The following TAFA1 variants were observed in gnomAD, a reference collection of about 807,000 sequenced individuals.
TAFA1 encodes TAFA chemokine like family member 1, also known as chemokine-like protein TAFA-1.
Under a neutral mutation model 18.5 loss-of-function variants are expected in TAFA1, and 4 were observed. That is an observed-to-expected ratio of 0.22 (90% CI 0.11 to 0.49). The LOEUF is 0.49. TAFA1 is among the 20% of genes least tolerant of loss of function. The pLI is 0.98. For synonymous variants in TAFA1, 56 were observed against 55.2 expected, an observed-to-expected ratio of 1.01 and a Z score of -0.06; for missense variants, 147 against 169.0, an observed-to-expected ratio of 0.87 and a Z score of 0.72.
intron 2 of TAFA1, among the ~76,000 whole-genome samples, chr3:68,286,712 G>C (rs1300989351): frequency 6.6e-6 from 1 of 152,288 alleles, no homozygotes; most frequent in South Asian, 2.1e-4. Flanking sequence ...ACATCTTCCC[G>C]AGGCTGTCCC....
At chr3:68,309,311 C>A (rs912197499) in intron 2 of TAFA1, among the ~76,000 whole-genome samples, 1 of 151,986 alleles carries the variant, frequency 6.6e-6, no homozygotes, top group Admixed American at 6.6e-5. Context: ...TTATAATATG[C>A]CCAAAGATAT....
rs74913160 is a variant in TAFA1, at chr3:68,125,439, C to T, written c.118+118695C>T. On this transcript the variant is annotated intron_variant, in intron 2 of 4. Transcript: ENST00000478136. ...CTAACATTTAAAACTCTTCAAAAAG[C>T]GAAAGTGAATCTCACCACCAAATCT... Among the ~76,000 whole-genome samples the T allele has an allele frequency of 1.9e-3, 292 of 152,270 alleles. 2 individuals carry two copies. Among genetic ancestry groups the T allele is most frequent in the African/African-American group, 4.9e-3 (202 of 41,558 alleles).
At chr3:68,427,134 T>C (rs1054772649) in intron 3 of TAFA1, among the ~76,000 whole-genome samples, 1 of 151,850 alleles carries the variant, frequency 6.6e-6, no homozygotes, top group Non-Finnish European at 1.5e-5. Context: ...TGTTTACACA[T>C]AACCTCAAAT....
chr3:68,229,767 A>G (rs2066847529), intron 2 of TAFA1, among the ~76,000 whole-genome samples: 1 of 152,154 alleles, frequency 6.6e-6, no homozygotes, highest in South Asian at 2.1e-4. Context: ...TTGATGTCAG[A>G]CCTGTTTCGG....
At chr3:68,074,577 A>G (rs1201087470) in intron 2 of TAFA1, among the ~76,000 whole-genome samples, 2 of 152,214 alleles carry the variant, frequency 1.3e-5, no homozygotes, top group South Asian at 2.1e-4. Context: ...ATGAAAAAGA[A>G]AAAAGTATAT....
At chr3:68,474,697 T>C (rs1222704569) in intron 3 of TAFA1, among the ~76,000 whole-genome samples, 1 of 152,188 alleles carries the variant, frequency 6.6e-6, no homozygotes, top group African/African-American at 2.4e-5. Context: ...GCCATTTCTA[T>C]TACTTCTCAT....
At chr3:68,419,687 T>C (rs969763542) in intron 3 of TAFA1, among the ~76,000 whole-genome samples, 1 of 152,184 alleles carries the variant, frequency 6.6e-6, no homozygotes, top group Admixed American at 6.5e-5. Context: ...TGGTGTTCAT[T>C]GTTCTTCCTC....
rs147749196 is a variant in TAFA1, at chr3:68,482,508, T to A, written c.260-56248T>A. Among the ~76,000 whole-genome samples the A allele has an allele frequency of 5.8e-4, 88 of 152,250 alleles. No individual in the cohort carries two copies. The East Asian group carries it at 0.015, about 26-fold the overall frequency. ...AAATCACCTAGAAAAGTAACAGAGT[T>A]GTCAGTGAAAACTTGCAAAAGGGGA... is the stretch of plus-strand genomic sequence containing the variant. On this transcript the variant is annotated intron_variant, in intron 3 of 4. Transcript: ENST00000478136.
At chr3:68,165,336 C>T (rs976791085) in intron 2 of TAFA1, among the ~76,000 whole-genome samples, 15 of 152,208 alleles carry the variant, frequency 9.9e-5, no homozygotes, top group Non-Finnish European at 2.2e-4. Flanking sequence ...GATTCTGTCC[C>T]CTCCCAATTC....
intron 2 of TAFA1, among the ~76,000 whole-genome samples, chr3:68,250,481 C>T (rs985994943): frequency 6.6e-6 from 1 of 152,104 alleles, no homozygotes; most frequent in African/African-American, 2.4e-5. Flanking sequence ...TTGAACTAAC[C>T]TCCACTGCAT....
In TAFA1 at chr3:68,057,904, T is replaced by C. The variant is rs181199284; in HGVS notation, c.118+51160T>C. Among the ~76,000 whole-genome samples the C allele has an allele frequency of 3.9e-5, 6 of 152,304 alleles. No homozygotes were observed. The East Asian group carries it at 1.2e-3, about 29-fold the overall frequency. On this transcript the variant is annotated intron_variant, in intron 2 of 4. Coordinates refer to ENST00000478136, the MANE Select transcript of TAFA1 (RefSeq NM_213609.4). ...AGAAGGCAAACAATGGATTCTCCCC[T>C]AGAACCTTCAGAAGGAGTGCAGCCC...
At chr3:68,526,232 A>G (rs906619413) in intron 3 of TAFA1, among the ~76,000 whole-genome samples, 4 of 152,194 alleles carry the variant, frequency 2.6e-5, no homozygotes, top group Admixed American at 2.0e-4. Context: ...AATCTAATCC[A>G]TTTAGAAAAT....
intron 2 of TAFA1, among the ~76,000 whole-genome samples, chr3:68,208,199 A>C (rs2066550200): frequency 6.6e-6 from 1 of 151,940 alleles, no homozygotes; most frequent in Non-Finnish European, 1.5e-5. Context: ...CCTATGATCC[A>C]TGCACCAGTA....
chr3:68,448,283 T>G (rs2106887472), intron 3 of TAFA1, among the ~76,000 whole-genome samples: 1 of 152,334 alleles, frequency 6.6e-6, no homozygotes, highest in East Asian at 1.9e-4. Flanking sequence ...ACTAATAAAA[T>G]CAATTATATT....
intron 2 of TAFA1, among the ~76,000 whole-genome samples, chr3:68,189,594 G>A (rs1036098165): frequency 6.6e-6 from 1 of 151,740 alleles, no homozygotes; most frequent in Non-Finnish European, 1.5e-5. Context: ...GCCAATGACT[G>A]GTACTCAGTC....
At chr3:68,513,348 C>A (rs1264524536) in intron 3 of TAFA1, among the ~76,000 whole-genome samples, 3 of 152,116 alleles carry the variant, frequency 2.0e-5, no homozygotes. Flanking sequence ...TGGAAATGTT[C>A]TATTCTGTAT....
intron 2 of TAFA1, among the ~76,000 whole-genome samples, chr3:68,069,053 CAGTT>C (rs1034324313): frequency 5.3e-5 from 8 of 152,130 alleles, no homozygotes; most frequent in Non-Finnish European, 5.9e-5. Flanking sequence ...GGAGTAGCTG[CAGTT>C]TTTAATACAT....
chr3:68,084,462 A>C (rs2064946103), intron 2 of TAFA1, among the ~76,000 whole-genome samples: 1 of 152,156 alleles, frequency 6.6e-6, no homozygotes, highest in African/African-American at 2.4e-5. Context: ...TGCTTCCAAA[A>C]TTCGGGTTTC....
At chr3:68,344,232 A>G (rs1035924469) in intron 2 of TAFA1, among the ~76,000 whole-genome samples, 2 of 152,218 alleles carry the variant, frequency 1.3e-5, no homozygotes, top group South Asian at 2.1e-4. Flanking sequence ...AGATGTTAAA[A>G]CATCAGAACA....
Sources: allele counts gnomAD v4.1 joint callset (sites outside exome capture counted in the v4.1 genomes callset), GRCh38; gene constraint gnomAD v4.1.1; transcripts MANE v1.5; gene names NCBI Gene and HGNC (gene_info 2026-07-23, HGNC 2026-07-21).